Variants in RPS6 observed in about 807,000 individuals in gnomAD.
The protein encoded by RPS6 is small ribosomal subunit protein eS6.
A neutral mutation model predicts 27.1 loss-of-function variants in RPS6; 1 was observed. The observed-to-expected ratio is 0.04, with a 90% CI of 0.01 to 0.18. The LOEUF is 0.18. Among genes scored for constraint, RPS6 ranks in the 10% least tolerant of loss-of-function variants. RPS6 has a pLI of 1.00. For synonymous variants in RPS6, 152 were observed against 106.0 expected, an observed-to-expected ratio of 1.43 and a Z score of -2.66; for missense variants, 259 against 319.1, an observed-to-expected ratio of 0.81 and a Z score of 1.44.
intron 4 of RPS6, 104 bp downstream of exon 4, chr9:19,378,264 G>A: frequency 8.7e-7 from 1 of 1,152,888 alleles, no homozygotes; most frequent in Non-Finnish European, 1.3e-6. Context: ...CAAGTGAATA[G>A]TGCTAAGGCC....
intron 5 of RPS6, 47 bp from the exon 6 acceptor site, chr9:19,376,435 G>C: frequency 1.2e-6 from 2 of 1,612,654 alleles, no homozygotes; most frequent in Non-Finnish European, 1.7e-6. Context: ...CTGGGTTAAA[G>C]ACGCAAATCC....
At chr9:19,379,767 G>T in intron 1 of RPS6, 149 bp from the exon 2 acceptor site, 1 of 1,474,258 alleles carries the variant, frequency 6.8e-7, no homozygotes, top group Non-Finnish European at 8.9e-7. Context: ...CTCACTAAAA[G>T]CACGTGAAAG....
chr9:19,378,026 A>G (rs1365934844), intron 4 of RPS6, among the ~76,000 whole-genome samples: 1 of 152,232 alleles, frequency 6.6e-6, no homozygotes, highest in African/African-American at 2.4e-5. Context: ...CTGATATAAA[A>G]TTACAAAGTG....
At chr9:19,376,885 G>T (rs942624110) in intron 4 of RPS6, 3 of 399,528 alleles carry the variant, frequency 7.5e-6, no homozygotes, top group African/African-American at 4.1e-5. Flanking sequence ...AAATAACCAG[G>T]CTAACTTTTA....
chr9:19,379,348 TTTA>T (rs1563858644), intron 2 of RPS6, 136 bp downstream of exon 2: 5 of 1,545,330 alleles, frequency 3.2e-6, no homozygotes. Flanking sequence ...TACCTCTAAC[TTTA>T]TAAAGTGGCA....
At chr9:19,376,433 A>T in intron 5 of RPS6, 45 bp from the exon 6 acceptor site, 1 of 1,612,796 alleles carries the variant, frequency 6.2e-7, no homozygotes, top group Non-Finnish European at 8.5e-7. Flanking sequence ...TTCTGGGTTA[A>T]AGACGCAAAT....
rs1829584543 is a variant in RPS6, at chr9:19,376,248, A to G, written c.*45T>C. On this transcript the variant is annotated 3_prime_UTR_variant, in exon 6 of 6. Transcript: ENST00000380394. ...GTTTTCTATCAGCAATGAAAAGTCA[A>G]CAGAGATCAGAGTCTGATCTTATTT... The G allele has an allele frequency of 1.3e-6, 2 of 1,499,236 alleles. No homozygotes were observed. The highest frequency in any genetic ancestry group is 1.9e-5 in the Admixed American group (1 of 52,154). 92.9% of individuals were successfully genotyped at this position (1,499,236 alleles called of 1,614,324 possible). A position where few individuals can be genotyped will look rare whatever the true frequency, so the allele number is the denominator to read the frequency against.
Position 19,378,837 on chromosome 9 carries a change from G to C in RPS6, c.220C>G (p.Arg74Gly). 3 of 1,614,136 alleles carry C rather than the reference G, an allele frequency of 1.9e-6. No homozygotes were observed. Among genetic ancestry groups the C allele is most frequent in the Non-Finnish European group, 2.5e-6 (3 of 1,180,026 alleles). ...KQGVLTHGRV[R>G]LLLSKGHSCY... ...GAATGCCCCTTACTCAGTAGCAGGC[G>C]GACACGGCCATGGGTCAAGACACCC... Residue 74 changes from arginine (R) to glycine (G), a missense_variant, in exon 3 of 6, where the codon CGC (arginine) becomes GGC (glycine). Transcript: ENST00000380394.
In RPS6 at chr9:19,379,966, G is replaced by A. The variant is rs968565686; in HGVS notation, c.6+224C>T. On this transcript the variant is annotated intron_variant, in intron 1 of 5. Transcript: ENST00000380394. ...CCGCATCCGTCCCGGCTGGGCGCGG[G>A]GACGCCACCATGGCGCTCCCGGCCC... is the stretch of plus-strand genomic sequence containing the variant. 9 of 1,439,330 alleles carry A rather than the reference G, an allele frequency of 6.3e-6. No individual in the cohort carries two copies. The Admixed American group carries it at 1.7e-4, about 27-fold the overall frequency. 89.2% of individuals were successfully genotyped at this position (1,439,330 alleles called of 1,614,324 possible).
At chr9:19,379,417 C>T in intron 2 of RPS6, 70 bp downstream of exon 2, 1 of 1,596,826 alleles carries the variant, frequency 6.3e-7, no homozygotes, top group South Asian at 1.1e-5. Context: ...GAACCCCATT[C>T]CAAATACCAG....
intron 4 of RPS6, 85 bp from the exon 5 acceptor site, chr9:19,376,736 G>T (rs1829594760): frequency 7.4e-7 from 1 of 1,347,452 alleles, no homozygotes; most frequent in Non-Finnish European, 1.0e-6. Context: ...ATAAACGTAA[G>T]CTTAACAGCA....
At chr9:19,378,957 T>C in intron 2 of RPS6, 39 bp from the exon 3 acceptor site, 1 of 1,585,456 alleles carries the variant, frequency 6.3e-7, no homozygotes, top group Non-Finnish European at 8.6e-7. Context: ...TTACTATTTC[T>C]ATTCCAAAAT....
At position 19,376,210 on chromosome 9, in the gene RPS6, C is replaced by T; in HGVS notation, c.*83G>A. On this transcript the variant is annotated 3_prime_UTR_variant, in exon 6 of 6. Transcript: ENST00000380394. ...TTTTCTATGACCTAACTTTCCCTCT[C>T]TTCATTTATGTAGTTTTCTATCAGC... The T allele has an allele frequency of 8.3e-7, 1 of 1,208,638 alleles. No individual in the cohort carries two copies. Among genetic ancestry groups the T allele is most frequent in the East Asian group, 2.4e-5 (1 of 42,484 alleles). The allele number at this position is 1,208,638 out of a possible 1,614,324, so 74.9% of individuals were successfully genotyped here.
At chr9:19,379,298 A>T in intron 2 of RPS6, 189 bp downstream of exon 2, 2 of 1,476,544 alleles carry the variant, frequency 1.4e-6, no homozygotes, top group Non-Finnish European at 1.8e-6. Context: ...AACTTTACGT[A>T]TATTTTATGG....
Position 19,376,450 on chromosome 9 carries a change from C to G in RPS6, c.654+44G>C, listed in dbSNP as rs758823118. ...CTGGGTTAAAGACGCAAATCCAAAG[C>G]CAGGTCGAACTCCTCCCACCCCCTC... On this transcript the variant is annotated intron_variant, in intron 5 of 5. Coordinates refer to ENST00000380394, the MANE Select transcript of RPS6 (RefSeq NM_001010.3). 3.1e-6 allele frequency: 5 copies of G among 1,612,182 alleles called. No individual in the cohort carries two copies. In the African/African-American group the frequency reaches 5.3e-5, roughly 17 times the overall value.
In RPS6 at chr9:19,376,784, C is replaced by T. The variant is rs959654064; in HGVS notation, c.497-133G>A. 7 of 752,838 alleles carry T rather than the reference C, an allele frequency of 9.3e-6. No homozygotes were observed. In the Admixed American group the frequency reaches 2.4e-4, roughly 26 times the overall value. The allele number at this position is 752,838 out of a possible 1,614,324, so 46.6% of individuals were successfully genotyped here. A position where few individuals can be genotyped will look rare whatever the true frequency, so the allele number is the denominator to read the frequency against. On this transcript the variant is annotated intron_variant, in intron 4 of 5. Coordinates refer to ENST00000380394, the MANE Select transcript of RPS6 (RefSeq NM_001010.3). The stretch of plus-strand genomic sequence containing the variant: ...TATAATGAGGCCTTTAAAATCAAAT[C>T]AGAACTATTCTAAAATGCTTTTTGC...
At position 19,380,181 on chromosome 9, in the gene RPS6, A is replaced by G. The variant is rs541296826; in HGVS notation, c.6+9T>C. The G allele has an allele frequency of 1.4e-5, 23 of 1,614,130 alleles. No individual in the cohort carries two copies. In the African/African-American group the frequency reaches 2.3e-4, roughly 16 times the overall value. On this transcript the variant is annotated intron_variant, in intron 1 of 5. Transcript: ENST00000380394. ...CAAACCCAGTCTAACACTCGCCACC[A>G]TCACCTACCTTCATCTTGAAGCAGC...
At position 19,376,671 on chromosome 9, in the gene RPS6, A is replaced by T. The variant is rs1479198410; in HGVS notation, c.497-20T>A. On this transcript the variant is annotated intron_variant, in intron 4 of 5. Coordinates refer to ENST00000380394, the MANE Select transcript of RPS6 (RefSeq NM_001010.3). ...TCTTACCTAAAAATTCAAAGGACTC[A>T]ATCATTTCAATATTTGTTTTGTTAG... 1 of 1,591,598 alleles carries T rather than the reference A, an allele frequency of 6.3e-7. No homozygotes were observed. The highest frequency in any genetic ancestry group is 8.5e-7 in the Non-Finnish European group (1 of 1,173,044).
chr9:19,378,627 C>G (rs572208015), intron 3 of RPS6, 81 bp downstream of exon 3: 16 of 1,573,096 alleles, frequency 1.0e-5, no homozygotes, highest in Middle Eastern at 3.4e-4. Context: ...GTCTGTAAGT[C>G]TGGATACTGC....
Sources: gnomAD v4.1 joint callset for allele counts (sites outside exome capture counted in the v4.1 genomes callset) on GRCh38, gnomAD v4.1.1 for gene constraint, MANE v1.5 for transcripts, NCBI Gene and HGNC (gene_info 2026-07-23, HGNC 2026-07-21) for gene names.